FOXJ1: variants seen among roughly 807,000 people sequenced by gnomAD.
FOXJ1 encodes forkhead box protein J1.
FOXJ1 carries 8 observed loss-of-function variants against 29.3 expected under a neutral mutation model. That is an observed-to-expected ratio of 0.27 (90% confidence interval 0.16 to 0.49). FOXJ1 has a LOEUF of 0.49. FOXJ1 is among the 20% of genes least tolerant of loss of function. FOXJ1 has a pLI of 0.98. For missense variants in FOXJ1, 539 were observed against 595.5 expected (o/e 0.91, Z 0.99); for synonymous variants, 280 against 278.7 (o/e 1.00, Z -0.05).
At position 76,137,922 on chromosome 17, in the gene FOXJ1, T is replaced by C. The variant is rs1463634547; in HGVS notation, c.697A>G (p.Ser233Gly). Residue 233 changes from serine to glycine, a missense_variant, in exon 3 of 3, where the codon AGC (serine) becomes GGC (glycine). Around this residue, in one of 3 missense-constraint regions of FOXJ1, gnomAD observed 302 missense variants for 293.6 expected, o/e 1.03. Transcript: ENST00000322957. The surrounding 1 kb of genome is among the most constrained non-coding windows in gnomAD (Gnocchi z 9.5). ...AGCGGCCCGGCCCGGGGGACAGCGCTGGGCTCCTGCGCGGCCTGGCGGGCA... is the reference window on the plus strand; with the variant it reads ...AGCGGCCCGGCCCGGGGGACAGCGCCGGGCTCCTGCGCGGCCTGGCGGGCA... ...AFARQAAQEP[S>G]AVPRAGPLTV... 1.3e-6 allele frequency: 2 copies of C among 1,572,200 alleles called. No homozygotes were observed. The highest frequency in any genetic ancestry group is 1.7e-6 in the Non-Finnish European group (2 of 1,159,616).
chr17:76,137,497 C>G lies in FOXJ1; in HGVS notation c.1122G>C (p.Glu374Asp). ...GCAGGAAGGATGTGGCCAGGAAGGTCTCATCGAAGTCCAGGCTGTCGGCAG... is the reference window on the plus strand; with the variant it reads ...GCAGGAAGGATGTGGCCAGGAAGGTGTCATCGAAGTCCAGGCTGTCGGCAG... ...EQAADSLDFD[E>D]TFLATSFLQH... The change falls in exon 3 of 3, where the codon GAG becomes GAC. Residue 374 changes from glutamate (E) to aspartate (D), a missense_variant. By Grantham distance (45) the Glu-to-Asp change is conservative (BLOSUM62 2). Coordinates refer to ENST00000322957, the MANE Select transcript of FOXJ1 (RefSeq NM_001454.4). This position sits in a 1 kb window ranked among gnomAD's most constrained non-coding sequence, Gnocchi z 9.5. The G allele has an allele frequency of 1.3e-6, 2 of 1,584,318 alleles. No individual in the cohort carries two copies. The highest frequency in any genetic ancestry group is 1.7e-6 in the Non-Finnish European group (2 of 1,166,072).
chr17:76,139,785 C>G lies in FOXJ1; in HGVS notation c.498+113G>C. 8.2e-7 allele frequency: 1 copy of G among 1,220,390 alleles called. No individual in the cohort carries two copies. Among genetic ancestry groups the G allele is most frequent in the Non-Finnish European group, 1.1e-6 (1 of 871,044 alleles). The allele number at this position is 1,220,390 out of a possible 1,614,324, so 75.6% of individuals were successfully genotyped here. ...CTTTGCAGGGCTCCCTTCTGGGGCG[C>G]TGGCCGCACCGCAGAGCCTACTTGG... On this transcript the variant is annotated intron_variant, in intron 2 of 2. Transcript: ENST00000322957. The surrounding 1 kb of genome is among the most constrained non-coding windows in gnomAD (Gnocchi z 6.6).
rs1266769878 is a variant in FOXJ1, at chr17:76,140,131, C to T, written c.265G>A (p.Gly89Ser). The T allele has an allele frequency of 1.9e-6, 3 of 1,579,632 alleles. No individual in the cohort carries two copies. The highest frequency in any genetic ancestry group is 2.6e-6 in the Non-Finnish European group (3 of 1,170,198). The stretch of plus-strand genomic sequence containing the variant: ...GACGTGCACGACGACGTGGGCTTGC[C>T]CGGCGTGTGTGGCTGCCCCAGGCAG... ...PACLGQPHTP[G>S]KPTSSCTSRS... The change falls in exon 2 of 3, where the codon GGC (glycine) becomes AGC (serine). Residue 89 changes from glycine to serine, a missense_variant. Physicochemically the swap from Gly to Ser is moderately conservative, Grantham distance 56 (BLOSUM62 0). Transcript: ENST00000322957. The surrounding 1 kb of genome is among the most constrained non-coding windows in gnomAD (Gnocchi z 8.0).
rs571143288 is a variant in FOXJ1 at position 76,137,568 on chromosome 17, G to A, written c.1051C>T (p.Arg351Cys). The change falls in exon 3 of 3, where the codon CGC becomes TGC. Residue 351 changes from arginine to cysteine, a missense_variant. By Grantham distance (180) the Arg-to-Cys change is radical (BLOSUM62 -3). Transcript: ENST00000322957. The surrounding 1 kb of genome is among the most constrained non-coding windows in gnomAD (Gnocchi z 9.5). ...HVDVDLTIHG[R>C]HIDCPATWGP... ...CAGGTGGCAGGGCAGTCGATGTGGCGGCCGTGGATGGTGAGGTCCACGTCC... is the reference window on the plus strand; with the variant it reads ...CAGGTGGCAGGGCAGTCGATGTGGCAGCCGTGGATGGTGAGGTCCACGTCC... 53 of 1,596,542 alleles carry A rather than the reference G, an allele frequency of 3.3e-5. No individual in the cohort carries two copies. The highest frequency in any genetic ancestry group is 4.4e-5 in the Non-Finnish European group (51 of 1,171,070).
rs1321194733 is a variant in FOXJ1 at position 76,139,806 on chromosome 17, C to T, written c.498+92G>A. On this transcript the variant is annotated intron_variant, in intron 2 of 2. Coordinates refer to ENST00000322957, the MANE Select transcript of FOXJ1 (RefSeq NM_001454.4). The surrounding 1 kb of genome is among the most constrained non-coding windows in gnomAD (Gnocchi z 6.6). ...GGCGCTGGCCGCACCGCAGAGCCTA[C>T]TTGGCCTGCAGATTTGGGATATGAA... 26 of 1,426,458 alleles carry T rather than the reference C, an allele frequency of 1.8e-5. No individual in the cohort carries two copies. Among genetic ancestry groups the T allele is most frequent in the Non-Finnish European group, 2.5e-5 (26 of 1,046,758 alleles). 88.4% of individuals were successfully genotyped at this position (1,426,458 alleles called of 1,614,324 possible).
In FOXJ1 at chr17:76,137,260, G is replaced by T; in HGVS notation, c.*93C>A. ...GCCTTGGAGCCCTGGCCCAGCCCCT[G>T]CCTAGGTGGTGGGGTGTCTGTGGAC... On this transcript the variant is annotated 3_prime_UTR_variant, in exon 3 of 3. Coordinates refer to ENST00000322957, the MANE Select transcript of FOXJ1 (RefSeq NM_001454.4). This position sits in a 1 kb window ranked among gnomAD's most constrained non-coding sequence, Gnocchi z 9.5. The T allele has an allele frequency of 1.7e-6, 2 of 1,157,982 alleles. No individual in the cohort carries two copies. Among genetic ancestry groups the T allele is most frequent in the Non-Finnish European group, 2.3e-6 (2 of 874,524 alleles). 71.7% of individuals were successfully genotyped at this position (1,157,982 alleles called of 1,614,324 possible).
chr17:76,137,932 C>G lies in FOXJ1; in HGVS notation c.687G>C (p.Ala229=), dbSNP rs746222801. 4.5e-6 allele frequency: 7 copies of G among 1,572,522 alleles called. No homozygotes were observed. In the Admixed American group the frequency reaches 1.1e-4, roughly 25 times the overall value. Residue 229 remains alanine, a synonymous_variant, in exon 3 of 3, where the codon GCG becomes GCC. Transcript: ENST00000322957. The surrounding 1 kb of genome is among the most constrained non-coding windows in gnomAD (Gnocchi z 9.5). ...HIHPAFARQA[A]QEPSAVPRAG... ...CCCGGGGGACAGCGCTGGGCTCCTG[C>G]GCGGCCTGGCGGGCAAAGGCTGGGT...
Position 76,137,902 on chromosome 17 carries a change from C to T in FOXJ1, c.717G>A (p.Gly239=), listed in dbSNP as rs1334267861. The T allele has an allele frequency of 4.5e-6, 7 of 1,566,412 alleles. No individual in the cohort carries two copies. Among genetic ancestry groups the T allele is most frequent in the Non-Finnish European group, 6.1e-6 (7 of 1,155,726 alleles). ...AQEPSAVPRA[G]PLTVNTEAQQ... is the part of the protein sequence containing the mutation. Reference sequence around the variant, plus strand: ...GGGCCTCGGTATTCACCGTCAGCGGCCCGGCCCGGGGGACAGCGCTGGGCT... The same window carrying T: ...GGGCCTCGGTATTCACCGTCAGCGGTCCGGCCCGGGGGACAGCGCTGGGCT... The change falls in exon 3 of 3, where the codon GGG becomes GGA. Residue 239 remains glycine, a synonymous_variant. Coordinates refer to ENST00000322957, the MANE Select transcript of FOXJ1 (RefSeq NM_001454.4). This position sits in a 1 kb window ranked among gnomAD's most constrained non-coding sequence, Gnocchi z 9.5.
In FOXJ1 at chr17:76,137,411, C is replaced by T. The variant is rs1181540260; in HGVS notation, c.1208G>A (p.Gly403Glu). The part of the protein sequence containing the change: ...CLPPEPLFEA[G>E]DATLASDLQD... ...CAGGTCGGAGGCCAGGGTGGCATCC[C>T]CAGCCTCAAAGAGGGGCTCCGGGGG... The change falls in exon 3 of 3, where the codon GGG becomes GAG. Residue 403 changes from glycine (G) to glutamate (E), a missense_variant. Gly to Glu is a moderately conservative substitution (Grantham distance 98). Coordinates refer to ENST00000322957, the MANE Select transcript of FOXJ1 (RefSeq NM_001454.4). The surrounding 1 kb of genome is among the most constrained non-coding windows in gnomAD (Gnocchi z 9.5). 1 of 1,536,462 alleles carries T rather than the reference C, an allele frequency of 6.5e-7. No individual in the cohort carries two copies. Among genetic ancestry groups the T allele is most frequent in the South Asian group, 1.2e-5 (1 of 83,504 alleles).
chr17:76,139,088 AG>A lies in FOXJ1; in HGVS notation c.498+809del, dbSNP rs1232225112. 6.6e-6 allele frequency among the ~76,000 whole-genome samples: 1 copy of A among 152,198 alleles called. No homozygotes were observed. Among genetic ancestry groups the A allele is most frequent in the African/African-American group, 2.4e-5 (1 of 41,444 alleles). ...GACAGGGGTCCTGGGCTGGGACGGC[AG>A]GGCAGGTGGGTGGATAATGCCCGGC... On this transcript the variant is annotated intron_variant, in intron 2 of 2. Coordinates refer to ENST00000322957, the MANE Select transcript of FOXJ1 (RefSeq NM_001454.4). The surrounding 1 kb of genome is among the most constrained non-coding windows in gnomAD (Gnocchi z 6.6).
In FOXJ1 at chr17:76,136,915, T is replaced by C. The variant is rs1051935074; in HGVS notation, c.*438A>G. On this transcript the variant is annotated 3_prime_UTR_variant, in exon 3 of 3. Transcript: ENST00000322957. This position sits in a 1 kb window ranked among gnomAD's most constrained non-coding sequence, Gnocchi z 4.9. ...CCTCCAGGGGGTTAATTTGCTGTCA[T>C]CTAATTAGCATTTGTTGTACCTGGG... is the stretch of plus-strand genomic sequence containing the variant. 1 of 158,292 alleles carries C rather than the reference T, an allele frequency of 6.3e-6. No homozygotes were observed. Among genetic ancestry groups the C allele is most frequent in the Non-Finnish European group, 1.4e-5 (1 of 72,466 alleles). The allele number at this position is 158,292 out of a possible 1,614,324, so 9.8% of individuals were successfully genotyped here. A position where few individuals can be genotyped will look rare whatever the true frequency, so the allele number is the denominator to read the frequency against.
Position 76,139,343 on chromosome 17 carries a change from C to T in FOXJ1, c.498+555G>A, listed in dbSNP as rs951945038. The stretch of plus-strand genomic sequence containing the variant: ...ACAGCAGCTTTAGGAAGGCCCCTTA[C>T]CCCCTCCACCCTCCATTGGGACACA... On this transcript the variant is annotated intron_variant, in intron 2 of 2. Transcript: ENST00000322957. This position sits in a 1 kb window ranked among gnomAD's most constrained non-coding sequence, Gnocchi z 6.6. 8.5e-5 allele frequency among the ~76,000 whole-genome samples: 13 copies of T among 152,174 alleles called. No individual in the cohort carries two copies. The highest frequency in any genetic ancestry group is 4.1e-4 in the South Asian group (2 of 4,832).
chr17:76,138,253 A>G, intron 2 of FOXJ1, 133 bp from the exon 3 acceptor site: 2 of 963,554 alleles, frequency 2.1e-6, no homozygotes, highest in Non-Finnish European at 3.1e-6. Context: ...GGACAGACAC[A>G]CTGGTCTGCC....
Position 76,138,009 on chromosome 17 carries a change from G to T in FOXJ1, c.610C>A (p.Arg204=). ...FWRIDPQYAE[R]LLSGAFKKRR... Reference sequence around the variant, plus strand: ...TTCTTGAAAGCGCCGCTCAGTAGCCGCTCCGCGTACTGGGGGTCAATGCGC... The same window carrying T: ...TTCTTGAAAGCGCCGCTCAGTAGCCTCTCCGCGTACTGGGGGTCAATGCGC... Residue 204 remains arginine, a synonymous_variant, in exon 3 of 3, where the codon CGG becomes AGG. Coordinates refer to ENST00000322957, the MANE Select transcript of FOXJ1 (RefSeq NM_001454.4). The T allele has an allele frequency of 3.1e-6, 5 of 1,613,182 alleles. No homozygotes were observed. The highest frequency in any genetic ancestry group is 4.2e-6 in the Non-Finnish European group (5 of 1,179,734).
At position 76,137,778 on chromosome 17, in the gene FOXJ1, G is replaced by T. The variant is rs768830919; in HGVS notation, c.841C>A (p.Arg281=). ...GGGGGCCGCGGGACCTTGGCCACCC[G>T]CTTGGGCAGCGGCTGTTTGCGCTTA... ...GHKRKQPLPK[R]VAKVPRPPST... Residue 281 remains arginine, a synonymous_variant, in exon 3 of 3, where the codon CGG becomes AGG. Transcript: ENST00000322957. The surrounding 1 kb of genome is among the most constrained non-coding windows in gnomAD (Gnocchi z 9.5). 2.5e-6 allele frequency: 4 copies of T among 1,608,622 alleles called. No individual in the cohort carries two copies. The East Asian group carries it at 8.9e-5, about 36-fold the overall frequency.
rs779222594 is a variant in FOXJ1, at chr17:76,140,183, G to T, written c.213C>A (p.Pro71=). The T allele has an allele frequency of 5.5e-6, 8 of 1,453,190 alleles. No homozygotes were observed. In the African/African-American group the frequency reaches 1.2e-4, roughly 21 times the overall value. 90.0% of individuals were successfully genotyped at this position (1,453,190 alleles called of 1,614,324 possible). Residue 71 remains proline (P), a synonymous_variant, in exon 2 of 3, where the codon CCC becomes CCA. Transcript: ENST00000322957. The surrounding 1 kb of genome is among the most constrained non-coding windows in gnomAD (Gnocchi z 8.0). ...CGGGGTCGGCCGCCAGGGGGGACCC[G>T]GGCGCCGCTGAACCTGGCACCTGGT... ...GYHQVPGSAA[P]GSPLAADPAC...
At position 76,137,098 on chromosome 17, in the gene FOXJ1, G is replaced by A. The variant is rs968778197; in HGVS notation, c.*255C>T. ...CGGTTTCTGGGGCTGGGAAGACGCG[G>A]AGCAATGAAACACTGTGTGTACAAG... On this transcript the variant is annotated 3_prime_UTR_variant, in exon 3 of 3. Transcript: ENST00000322957. This position sits in a 1 kb window ranked among gnomAD's most constrained non-coding sequence, Gnocchi z 9.5. The A allele has an allele frequency of 3.1e-4, 119 of 387,654 alleles. No individual in the cohort carries two copies. The highest frequency in any genetic ancestry group is 4.9e-4 in the Non-Finnish European group (107 of 219,348). 24.0% of individuals were successfully genotyped at this position (387,654 alleles called of 1,614,324 possible).
chr17:76,140,084 C>T lies in FOXJ1; in HGVS notation c.312G>A (p.Leu104=), dbSNP rs1390424011. The change falls in exon 2 of 3, where the codon CTG becomes CTA. Residue 104 remains leucine (L), a synonymous_variant. Coordinates refer to ENST00000322957, the MANE Select transcript of FOXJ1 (RefSeq NM_001454.4). The surrounding 1 kb of genome is among the most constrained non-coding windows in gnomAD (Gnocchi z 8.0). ...SCTSRSAPPG[L]QAPPPDDVDY... is the part of the protein sequence containing the mutation. ...CCACGTCGTCGGGGGGTGGGGCCTG[C>T]AGCCCCGGGGGCGCGCTCCGCGACG... 6.9e-6 allele frequency: 11 copies of T among 1,604,478 alleles called. No homozygotes were observed. The highest frequency in any genetic ancestry group is 9.3e-6 in the Non-Finnish European group (11 of 1,179,426).
rs1410640073 is a variant in FOXJ1 at position 76,140,324 on chromosome 17, C to G, written c.72G>C (p.Glu24Asp). 2.0e-6 allele frequency: 3 copies of G among 1,499,698 alleles called. No individual in the cohort carries two copies. The South Asian group carries it at 3.9e-5, about 20-fold the overall frequency. The allele number at this position is 1,499,698 out of a possible 1,614,324, so 92.9% of individuals were successfully genotyped here. A position where few individuals can be genotyped will look rare whatever the true frequency, so the allele number is the denominator to read the frequency against. Residue 24 changes from glutamate to aspartate, a missense_variant, in exon 2 of 3, where the codon GAG becomes GAC. Transcript: ENST00000322957. The surrounding 1 kb of genome is among the most constrained non-coding windows in gnomAD (Gnocchi z 8.0). ...AEEAGPEGGL[E>D]EPDALDDSLT... ...GGCTGTCATCCAGGGCGTCGGGCTC[C>G]TCCAGGCCGCCCTCCGGCCCGGCCT...
Sources: allele counts gnomAD v4.1 joint callset (sites outside exome capture counted in the v4.1 genomes callset), GRCh38; gene constraint gnomAD v4.1.1; regional missense constraint gnomAD v4.1.1; non-coding constraint Gnocchi (gnomAD v3.1); transcripts MANE v1.5; gene names NCBI Gene and HGNC (gene_info 2026-07-23, HGNC 2026-07-21).